The following LRRC49 variants were observed in gnomAD, a reference collection of about 807,000 sequenced individuals.
LRRC49 encodes the protein leucine rich repeat containing 49, also known as leucine-rich repeat-containing protein 49.
LRRC49 carries 50 observed loss-of-function variants against 83.3 expected under a neutral mutation model. The observed-to-expected ratio is 0.60, with a 90% CI of 0.48 to 0.76. The LOEUF is 0.76. LRRC49 is among the 30% of genes least tolerant of loss of function. LRRC49 has a pLI of 0.00. For synonymous variants in LRRC49, 286 were observed against 283.3 expected (o/e 1.01, Z -0.10); for missense variants, 704 against 809.1 (o/e 0.87, Z 1.58).
intron 7 of LRRC49, 46 bp downstream of exon 7, chr15:70,919,239 A>G: frequency 6.7e-7 from 1 of 1,489,630 alleles, no homozygotes; most frequent in East Asian, 2.4e-5. Context: ...GCTTTCTTTC[A>G]AGGAATTGAA....
chr15:71,047,381 C>T (rs1271383907), intron 15 of LRRC49, among the ~76,000 whole-genome samples: 1 of 152,154 alleles, frequency 6.6e-6, no homozygotes, highest in African/African-American at 2.4e-5. Context: ...TTTTGTAGTT[C>T]TCCTTGTAGA....
At chr15:71,045,560 A>G (rs1351874004) in intron 15 of LRRC49, among the ~76,000 whole-genome samples, 1 of 152,220 alleles carries the variant, frequency 6.6e-6, no homozygotes, top group East Asian at 1.9e-4. Flanking sequence ...TATATACTGA[A>G]ATGTAAATCT....
chr15:70,872,925 C>T (rs28606443), exon 2 of LRRC49: 27,267 of 254,760 alleles, frequency 0.11, 2,003 homozygotes, highest in Admixed American at 0.22. Flanking sequence ...CTCACTCTGT[C>T]GCCTAGGCTG....
At chr15:70,974,195 C>T (rs2037121744) in intron 9 of LRRC49, among the ~76,000 whole-genome samples, 1 of 152,114 alleles carries the variant, frequency 6.6e-6, no homozygotes, top group Non-Finnish European at 1.5e-5. Flanking sequence ...CACTAGGAGG[C>T]AGCATTAGCT....
chr15:71,039,077 C>A (rs1254208205), intron 15 of LRRC49, among the ~76,000 whole-genome samples: 1 of 151,982 alleles, frequency 6.6e-6, no homozygotes, highest in Admixed American at 6.6e-5. Context: ...CGATATGAGT[C>A]TTAAAAGATA....
At chr15:70,981,967 C>T (rs2037417815) in intron 10 of LRRC49, among the ~76,000 whole-genome samples, 1 of 150,532 alleles carries the variant, frequency 6.6e-6, no homozygotes, top group Non-Finnish European at 1.5e-5. Context: ...TTAATCCCCA[C>T]CTGACATTAA....
At chr15:70,973,522 TC>T (rs2037091468) in intron 9 of LRRC49, among the ~76,000 whole-genome samples, 1 of 152,178 alleles carries the variant, frequency 6.6e-6, no homozygotes, top group Admixed American at 6.5e-5. Flanking sequence ...TGCTGGGAGA[TC>T]CGCTGCTCTC....
At chr15:70,901,993 C>T (rs2034101579) in intron 4 of LRRC49, among the ~76,000 whole-genome samples, 1 of 152,122 alleles carries the variant, frequency 6.6e-6, no homozygotes. Flanking sequence ...CACCTGACAA[C>T]AAATTATAAT....
intron 8 of LRRC49, among the ~76,000 whole-genome samples, chr15:70,945,519 C>CTGTGTGTGTGTG (rs749607668): frequency 6.0e-4 from 82 of 135,880 alleles, no homozygotes; most frequent in East Asian, 5.9e-3. Context: ...ATTTAACAAC[C>CTGTGTGTGTGTG]TGTGTGTGTG....
intron 7 of LRRC49, among the ~76,000 whole-genome samples, chr15:70,934,253 G>A (rs902788109): frequency 6.6e-6 from 1 of 151,980 alleles, no homozygotes; most frequent in Admixed American, 6.6e-5. Context: ...CGGTAAATAC[G>A]GTGTTTTCTT....
At chr15:71,032,120 G>A (rs1025015724) in intron 14 of LRRC49, among the ~76,000 whole-genome samples, 1 of 152,232 alleles carries the variant, frequency 6.6e-6, no homozygotes, top group Non-Finnish European at 1.5e-5. Flanking sequence ...GGACCCTGGT[G>A]ATGTAGGCAC....
chr15:70,982,586 A>G (rs1350160289), intron 10 of LRRC49, among the ~76,000 whole-genome samples: 2 of 152,130 alleles, frequency 1.3e-5, no homozygotes, highest in African/African-American at 2.4e-5. Flanking sequence ...TTGAAACACC[A>G]AACAACAGAA....
intron 15 of LRRC49, chr15:71,048,844 C>A (rs984562661): frequency 2.2e-6 from 1 of 455,954 alleles, no homozygotes; most frequent in Non-Finnish European, 4.4e-6. Flanking sequence ...GTCCTGGGTC[C>A]CAGGTTTCTA....
At chr15:70,984,510 T>G (rs1596099840) in intron 11 of LRRC49, 1 of 276,962 alleles carries the variant, frequency 3.6e-6, no homozygotes, top group East Asian at 7.1e-5. Flanking sequence ...CTATGATGTC[T>G]TTTGCCCACT....
chr15:70,903,626 A>G (rs1028179924), intron 4 of LRRC49, among the ~76,000 whole-genome samples: 1 of 152,102 alleles, frequency 6.6e-6, no homozygotes, highest in African/African-American at 2.4e-5. Flanking sequence ...GCTTTCATTA[A>G]CTTGATTTCT....
chr15:71,004,971 A>G (rs1050546800), intron 11 of LRRC49, among the ~76,000 whole-genome samples: 3 of 152,182 alleles, frequency 2.0e-5, no homozygotes, highest in Non-Finnish European at 2.9e-5. Flanking sequence ...AGTAATCTGT[A>G]AAATAAACCC....
chr15:70,943,187 T>A (rs1284531459), intron 8 of LRRC49, among the ~76,000 whole-genome samples: 1 of 152,224 alleles, frequency 6.6e-6, no homozygotes, highest in African/African-American at 2.4e-5. Flanking sequence ...GTTTTTTTTT[T>A]AAGGAAGATC....
intron 9 of LRRC49, among the ~76,000 whole-genome samples, chr15:70,964,408 T>A (rs113240966): frequency 6.6e-6 from 1 of 152,254 alleles, no homozygotes; most frequent in African/African-American, 2.4e-5. Context: ...GTCGCGAAGA[T>A]GAAATAAAGT....
chr15:70,853,989 C>T lies in LRRC49; in HGVS notation c.-299+520C>T, dbSNP rs1283174806. 1 of 1,465,176 alleles carries T rather than the reference C, an allele frequency of 6.8e-7. No individual in the cohort carries two copies. The highest frequency in any genetic ancestry group is 1.8e-4 in the Middle Eastern group (1 of 5,458). 90.8% of individuals were successfully genotyped at this position (1,465,176 alleles called of 1,614,324 possible). On this transcript the variant is annotated intron_variant, in intron 1 of 16. Coordinates refer to the LRRC49 transcript ENST00000544974. The stretch of plus-strand genomic sequence containing the variant: ...CCCCGAGTCTCCGCCCCCTCCTCCT[C>T]GTCCTCCAACTCGTCCACGTCCTCG...
Sources: gnomAD v4.1 joint callset for allele counts (sites outside exome capture counted in the v4.1 genomes callset) on GRCh38, gnomAD v4.1.1 for gene constraint, MANE v1.5 for transcripts, NCBI Gene and HGNC (gene_info 2026-07-23, HGNC 2026-07-21) for gene names.